Variants in DMBT1 observed in about 807,000 individuals in gnomAD.
The protein encoded by DMBT1 is scavenger receptor cysteine-rich domain-containing protein DMBT1.
In DMBT1, 198 loss-of-function variants were observed where a neutral mutation model predicts 252.9. The observed-to-expected ratio is 0.78, with a 90% CI of 0.70 to 0.88. DMBT1 has a LOEUF of 0.88. DMBT1 is among the 40% of genes least tolerant of loss of function. DMBT1 has a pLI of 0.00. For synonymous variants in DMBT1, 990 were observed against 942.7 expected (o/e 1.05, Z -0.92); for missense variants, 2,432 against 2,404.7 (o/e 1.01, Z -0.24).
rs865914414 is a variant in DMBT1 at position 122,620,199 on chromosome 10, T to G, written c.5246-54T>G. ...TGCCTGGTTCAGAGATTTTTTTTTGTAGCTTTCCTCCCTCAAGTCTAATTT... is the reference window on the plus strand; with the variant it reads ...TGCCTGGTTCAGAGATTTTTTTTTGGAGCTTTCCTCCCTCAAGTCTAATTT... On this transcript the variant is annotated intron_variant, in intron 42 of 55. Coordinates refer to ENST00000338354, the MANE Select transcript of DMBT1 (RefSeq NM_001377530.1). 11 of 1,562,662 alleles carry G rather than the reference T, an allele frequency of 7.0e-6. No individual in the cohort carries two copies. The South Asian group carries it at 1.0e-4, about 15-fold the overall frequency.
At chr10:122,578,327 G>C (rs1207202860) in intron 8 of DMBT1, among the ~76,000 whole-genome samples, 1 of 152,194 alleles carries the variant, frequency 6.6e-6, no homozygotes, top group Non-Finnish European at 1.5e-5. Flanking sequence ...AATGTTTCTG[G>C]TGCCTTCACT....
intron 2 of DMBT1, among the ~76,000 whole-genome samples, chr10:122,568,455 A>G (rs2981778): frequency 0.67 from 101,862 of 151,942 alleles, 34,513 homozygotes; most frequent in East Asian, 0.77. Flanking sequence ...TGGAAGAACA[A>G]GGATACTTAA....
chr10:122,572,256 C>T (rs866880107), intron 4 of DMBT1, 58 bp from the exon 5 acceptor site: 4 of 1,607,584 alleles, frequency 2.5e-6, no homozygotes, highest in Middle Eastern at 1.7e-4. Context: ...AAGCCATGGA[C>T]CAACCCTCTT....
intron 50 of DMBT1, 79 bp from the exon 51 acceptor site, chr10:122,632,782 T>TCC (rs1406253488): frequency 1.0e-4 from 159 of 1,568,224 alleles, no homozygotes; most frequent in Non-Finnish European, 1.3e-4. Context: ...TGGCACAGCA[T>TCC]CTGCACAGCT....
chr10:122,578,159 G>A (rs940621591), intron 8 of DMBT1, among the ~76,000 whole-genome samples: 1 of 152,184 alleles, frequency 6.6e-6, no homozygotes, highest in Non-Finnish European at 1.5e-5. Flanking sequence ...ACCTTTCTGA[G>A]AATTGAGGGT....
intron 24 of DMBT1, among the ~76,000 whole-genome samples, chr10:122,597,397 A>C (rs2097892222): frequency 6.6e-6 from 1 of 152,160 alleles, no homozygotes; most frequent in Non-Finnish European, 1.5e-5. Context: ...GTGATTGCCA[A>C]AGTCTCCTGG....
intron 44 of DMBT1, among the ~76,000 whole-genome samples, chr10:122,622,245 G>T (rs537159381): frequency 1.3e-5 from 2 of 152,270 alleles, no homozygotes; most frequent in South Asian, 4.1e-4. Context: ...GAAACTCCTG[G>T]GTCTTGCTTG....
Position 122,621,105 on chromosome 10 carries a change from G to A in DMBT1, c.5333G>A (p.Cys1778Tyr). ...ALRLVNGGDR[C>Y]RGRVEVLYRG... The stretch of plus-strand genomic sequence containing the variant: ...AGGCTGGTGAATGGAGGTGACAGGT[G>A]TCGAGGCCGAGTGGAGGTCCTGTAT... Residue 1778 changes from cysteine to tyrosine, a missense_variant, in exon 44 of 56, where the codon TGT (cysteine) becomes TAT (tyrosine). Around this residue, in one of 3 missense-constraint regions of DMBT1, gnomAD observed 1,162 missense variants for 1,169.0 expected, o/e 0.99. Transcript: ENST00000338354. 3 of 1,613,654 alleles carry A rather than the reference G, an allele frequency of 1.9e-6. No homozygotes were observed. The highest frequency in any genetic ancestry group is 2.5e-6 in the Non-Finnish European group (3 of 1,179,736).
At chr10:122,578,256 C>T (rs977658549) in intron 8 of DMBT1, among the ~76,000 whole-genome samples, 1 of 152,198 alleles carries the variant, frequency 6.6e-6, no homozygotes, top group Non-Finnish European at 1.5e-5. Flanking sequence ...CCAGATTCTG[C>T]AGGGCCACGT....
intron 1 of DMBT1, among the ~76,000 whole-genome samples, chr10:122,564,632 A>ATTT (rs34136647): frequency 2.0e-5 from 3 of 149,304 alleles, no homozygotes; most frequent in African/African-American, 7.4e-5. Flanking sequence ...CATCACATGT[A>ATTT]TTTTTTTTTT....
At chr10:122,626,217 A>G (rs1017642376) in intron 46 of DMBT1, among the ~76,000 whole-genome samples, 3 of 152,238 alleles carry the variant, frequency 2.0e-5, no homozygotes, top group African/African-American at 7.2e-5. Flanking sequence ...CAAATAGTAA[A>G]TGGATAATTT....
chr10:122,599,894 C>T lies in DMBT1; in HGVS notation c.3281-170C>T, dbSNP rs539693484. ...CAATAGTGGACAGGATCTGCCTCGA[C>T]CCCTTACATGGTGCATCTCTGTGGG... On this transcript the variant is annotated intron_variant, in intron 26 of 55. Transcript: ENST00000338354. Among the ~76,000 whole-genome samples, 24 of 152,234 alleles carry T rather than the reference C, an allele frequency of 1.6e-4. No individual in the cohort carries two copies. In the East Asian group the frequency reaches 4.5e-3, roughly 28 times the overall value.
intron 7 of DMBT1, among the ~76,000 whole-genome samples, chr10:122,576,949 G>A (rs1241932950): frequency 6.6e-6 from 1 of 152,192 alleles, no homozygotes; most frequent in Non-Finnish European, 1.5e-5. Flanking sequence ...CAGGGCCCCC[G>A]CCCAAGTCTT....
intron 52 of DMBT1, among the ~76,000 whole-genome samples, chr10:122,634,356 C>CTTTCTTTCTTTCTTTCTTTCTT (rs1555029886): frequency 1.9e-4 from 19 of 98,412 alleles, no homozygotes; most frequent in African/African-American, 6.9e-4. Context: ...TTCTTTCTTT[C>CTTTCTTTCTTTCTTTCTTTCTT]TTTCTTTCTT....
chr10:122,619,172 G>T, intron 41 of DMBT1, 136 bp from the exon 42 acceptor site: 1 of 1,140,060 alleles, frequency 8.8e-7, no homozygotes, highest in South Asian at 1.2e-5. Flanking sequence ...GAATTTACAT[G>T]GCAATGCCCC....
chr10:122,623,547 C>T (rs140323123), intron 44 of DMBT1, among the ~76,000 whole-genome samples: 5 of 152,198 alleles, frequency 3.3e-5, no homozygotes, highest in Non-Finnish European at 5.9e-5. Context: ...CTGATTCCTC[C>T]GTATCCTCAC....
At chr10:122,628,967 A>G (rs1326202502) in intron 46 of DMBT1, among the ~76,000 whole-genome samples, 1 of 152,188 alleles carries the variant, frequency 6.6e-6, no homozygotes, top group African/African-American at 2.4e-5. Context: ...AAAAGTAAAC[A>G]AAGAGTTATG....
chr10:122,637,348 A>T, intron 54 of DMBT1, 36 bp downstream of exon 54: 2 of 1,555,176 alleles, frequency 1.3e-6, no homozygotes, highest in Non-Finnish European at 1.7e-6. Context: ...TTCCCAGTGC[A>T]CAAGCTTTCT....
In DMBT1 at chr10:122,600,107, G is replaced by A. The variant is rs1297963082; in HGVS notation, c.3310+14G>A. The A allele has an allele frequency of 3.1e-6, 5 of 1,604,812 alleles. No individual in the cohort carries two copies. Among genetic ancestry groups the A allele is most frequent in the Non-Finnish European group, 3.4e-6 (4 of 1,177,416 alleles). On this transcript the variant is annotated intron_variant, in intron 27 of 55. Transcript: ENST00000338354. The stretch of plus-strand genomic sequence containing the variant: ...CACCTAGTCCAGGTGGGTCCCCAGT[G>A]TCCTTCCTCAAAATGTCCCTTCTCT...
Sources: allele counts gnomAD v4.1 joint callset (sites outside exome capture counted in the v4.1 genomes callset), GRCh38; gene constraint gnomAD v4.1.1; regional missense constraint gnomAD v4.1.1; transcripts MANE v1.5; gene names NCBI Gene and HGNC (gene_info 2026-07-23, HGNC 2026-07-21).